Variants in SGCZ observed in about 807,000 individuals in gnomAD.
SGCZ encodes zeta-sarcoglycan.
SGCZ carries 40 observed loss-of-function variants against 41.3 expected under a neutral mutation model. The ratio of observed to expected loss-of-function variants is 0.97; its 90% CI spans 0.75 to 1.26. SGCZ has a LOEUF of 1.26. Among genes scored for constraint, SGCZ ranks in the 50% most tolerant of loss-of-function variants. SGCZ has a pLI of 0.00. For missense variants in SGCZ, 552 were observed against 369.8 expected (o/e 1.49, Z -4.04); for synonymous variants, 206 against 137.5 (o/e 1.50, Z -3.49).
chr8:14,550,137 A>C (rs552624873), intron 2 of SGCZ, among the ~76,000 whole-genome samples: 16 of 152,058 alleles, frequency 1.1e-4, no homozygotes, highest in Non-Finnish European at 2.2e-4. Context: ...AAATTAAACA[A>C]CAGAAATATA....
At chr8:14,144,964 A>T (rs1186970750) in intron 5 of SGCZ, among the ~76,000 whole-genome samples, 6 of 152,138 alleles carry the variant, frequency 3.9e-5, no homozygotes, top group African/African-American at 4.8e-5. Context: ...AGCCACAGTA[A>T]AATAGAACAC....
At chr8:15,038,963 C>A (rs1036844497) in intron 1 of SGCZ, among the ~76,000 whole-genome samples, 1 of 151,842 alleles carries the variant, frequency 6.6e-6, no homozygotes, top group African/African-American at 2.4e-5. Flanking sequence ...ATGGCTATTA[C>A]TAAAAGGGCA....
chr8:14,825,423 C>T (rs185270234), intron 1 of SGCZ, among the ~76,000 whole-genome samples: 95 of 152,184 alleles, frequency 6.2e-4, no homozygotes, highest in Admixed American at 1.2e-3. Context: ...ATATAAAAAT[C>T]GTTTCATCAT....
chr8:14,413,988 G>A (rs1371213228), intron 2 of SGCZ, among the ~76,000 whole-genome samples: 3 of 151,946 alleles, frequency 2.0e-5, no homozygotes, highest in East Asian at 1.9e-4. Flanking sequence ...ATTATTAATC[G>A]AGACTGTTTC....
intron 1 of SGCZ, among the ~76,000 whole-genome samples, chr8:14,796,261 G>A (rs183972054): frequency 1.3e-5 from 2 of 152,236 alleles, no homozygotes; most frequent in African/African-American, 4.8e-5. Context: ...CAATCTTCCA[G>A]AATGGCTGAA....
chr8:14,495,764 C>T (rs1186374524), intron 2 of SGCZ, among the ~76,000 whole-genome samples: 6 of 143,958 alleles, frequency 4.2e-5, no homozygotes, highest in East Asian at 2.0e-4. Flanking sequence ...CATAATGAGA[C>T]GACGTTAGAT....
At chr8:15,002,215 C>T (rs111418040) in intron 1 of SGCZ, among the ~76,000 whole-genome samples, 3,892 of 143,840 alleles carry the variant, frequency 0.027, 195 homozygotes, top group African/African-American at 0.093. Flanking sequence ...AAAAAAAAAG[C>T]CATCAATAAT....
At chr8:15,222,315 C>T (rs1801630237) in intron 1 of SGCZ, among the ~76,000 whole-genome samples, 1 of 152,010 alleles carries the variant, frequency 6.6e-6, no homozygotes, top group Admixed American at 6.6e-5. Context: ...TCACCATCCC[C>T]CAAGCAGTTA....
intron 1 of SGCZ, among the ~76,000 whole-genome samples, chr8:15,220,662 G>A (rs952828397): frequency 3.9e-5 from 6 of 151,984 alleles, no homozygotes; most frequent in Non-Finnish European, 8.8e-5. Context: ...GCCATTACTG[G>A]ATATATACCC....
intron 3 of SGCZ, chr8:14,309,626 C>A: frequency 1.9e-6 from 3 of 1,610,812 alleles, no homozygotes; most frequent in Non-Finnish European, 2.5e-6. Context: ...CCCACGCAGA[C>A]ACAGCTACTA....
At chr8:14,332,947 A>G (rs1802389922) in intron 2 of SGCZ, among the ~76,000 whole-genome samples, 1 of 150,724 alleles carries the variant, frequency 6.6e-6, no homozygotes, top group African/African-American at 2.4e-5. Flanking sequence ...ATATGTGTAT[A>G]TATATAAAAT....
At chr8:14,910,287 C>T (rs1244861569) in intron 1 of SGCZ, among the ~76,000 whole-genome samples, 1 of 152,036 alleles carries the variant, frequency 6.6e-6, no homozygotes, top group Non-Finnish European at 1.5e-5. Flanking sequence ...TTCACCAATA[C>T]ACATTGATAT....
At chr8:15,179,485 A>G (rs2117083131) in intron 1 of SGCZ, among the ~76,000 whole-genome samples, 1 of 152,296 alleles carries the variant, frequency 6.6e-6, no homozygotes, top group Non-Finnish European at 1.5e-5. Flanking sequence ...TCATGATCTC[A>G]AGATGTTCTG....
chr8:14,206,462 G>A (rs541256009), intron 4 of SGCZ, among the ~76,000 whole-genome samples: 2 of 152,156 alleles, frequency 1.3e-5, no homozygotes, highest in East Asian at 1.9e-4. Context: ...ATAAATCACA[G>A]AATCTCCACA....
At chr8:14,198,028 T>A (rs1377367442) in intron 4 of SGCZ, among the ~76,000 whole-genome samples, 1 of 152,222 alleles carries the variant, frequency 6.6e-6, no homozygotes, top group South Asian at 2.1e-4. Flanking sequence ...GGAATTAAAC[T>A]TAATATTTTT....
intron 4 of SGCZ, among the ~76,000 whole-genome samples, chr8:14,203,742 C>A (rs987409144): frequency 2.0e-5 from 3 of 152,044 alleles, no homozygotes; most frequent in African/African-American, 7.2e-5. Context: ...GAGAAAGAAT[C>A]AGATAATTAA....
intron 1 of SGCZ, among the ~76,000 whole-genome samples, chr8:15,227,094 G>C (rs1801800308): frequency 6.6e-6 from 1 of 152,172 alleles, no homozygotes; most frequent in Non-Finnish European, 1.5e-5. Context: ...GGAGAGGTGT[G>C]CATGTAGCCC....
At chr8:14,750,238 G>C (rs1360506900) in intron 1 of SGCZ, among the ~76,000 whole-genome samples, 1 of 151,934 alleles carries the variant, frequency 6.6e-6, no homozygotes, top group Non-Finnish European at 1.5e-5. Context: ...CCTGTTACCT[G>C]TCCTGAGACT....
At chr8:14,259,688 G>C (rs1248806216) in intron 3 of SGCZ, among the ~76,000 whole-genome samples, 8 of 146,550 alleles carry the variant, frequency 5.5e-5, no homozygotes, top group Non-Finnish European at 1.1e-4. Flanking sequence ...TTTGGTACCA[G>C]TACCATGCTG....
Sources: gnomAD v4.1 joint callset for allele counts (sites outside exome capture counted in the v4.1 genomes callset) on GRCh38, gnomAD v4.1.1 for gene constraint, MANE v1.5 for transcripts, NCBI Gene and HGNC (gene_info 2026-07-23, HGNC 2026-07-21) for gene names.